LAMA2: variants seen among roughly 807,000 people sequenced by gnomAD.
LAMA2 encodes laminin subunit alpha-2.
A neutral mutation model predicts 364.8 loss-of-function variants in LAMA2; 269 were observed. The ratio of observed to expected loss-of-function variants is 0.74; its 90% CI spans 0.67 to 0.82. The LOEUF (loss-of-function observed/expected upper bound fraction) is 0.82, where lower values mean the gene tolerates loss of function less well. Ranked by LOEUF, LAMA2 falls within the 40% of genes least tolerant of loss-of-function variation. LAMA2 has a pLI of 0.00. For synonymous variants in LAMA2, 1,379 were observed against 1,370.6 expected (o/e 1.01, Z -0.14); for missense variants, 3,807 against 3,873.2 (o/e 0.98, Z 0.45).
chr6:128,944,494 C>A (rs1780370325), intron 1 of LAMA2, among the ~76,000 whole-genome samples: 1 of 151,988 alleles, frequency 6.6e-6, no homozygotes, highest in Admixed American at 6.6e-5. Flanking sequence ...TGGATAATTT[C>A]TAAAGAAAAG....
chr6:129,290,698 A>T (rs1380481937), intron 19 of LAMA2, among the ~76,000 whole-genome samples: 1 of 152,198 alleles, frequency 6.6e-6, no homozygotes, highest in African/African-American at 2.4e-5. Context: ...ACCATTAAAA[A>T]TATAGGGTAC....
chr6:129,448,156 A>G (rs1054920563), intron 45 of LAMA2, among the ~76,000 whole-genome samples: 3 of 152,198 alleles, frequency 2.0e-5, no homozygotes, highest in African/African-American at 7.2e-5. Context: ...GGCATGGTAC[A>G]TGCCTATAGT....
intron 1 of LAMA2, among the ~76,000 whole-genome samples, chr6:128,889,573 C>T (rs1248202774): frequency 1.3e-5 from 2 of 152,116 alleles, no homozygotes; most frequent in Non-Finnish European, 2.9e-5. Context: ...TTCCTTTCTT[C>T]CTTCCTCCCT....
intron 1 of LAMA2, among the ~76,000 whole-genome samples, chr6:128,945,841 C>T (rs1301020000): frequency 6.6e-6 from 1 of 152,186 alleles, no homozygotes; most frequent in Non-Finnish European, 1.5e-5. Flanking sequence ...TAACATTTTA[C>T]AACAAAGTAG....
chr6:129,514,243 G>A, intron 63 of LAMA2, 130 bp from the exon 64 acceptor site: 1 of 756,826 alleles, frequency 1.3e-6, no homozygotes, highest in Non-Finnish European at 2.3e-6. Context: ...TTTTCAATAT[G>A]CCCAGTTACA....
intron 1 of LAMA2, among the ~76,000 whole-genome samples, chr6:128,917,012 T>G (rs1272902342): frequency 1.3e-5 from 2 of 152,172 alleles, no homozygotes; most frequent in African/African-American, 2.4e-5. Flanking sequence ...TCCTCACATT[T>G]GTTTTTATTC....
intron 1 of LAMA2, among the ~76,000 whole-genome samples, chr6:128,923,547 A>G (rs945350823): frequency 1.3e-5 from 2 of 152,136 alleles, no homozygotes; most frequent in African/African-American, 4.8e-5. Flanking sequence ...AACAAATATA[A>G]CTATATTAAA....
intron 1 of LAMA2, among the ~76,000 whole-genome samples, chr6:128,943,862 T>A (rs1338744046): frequency 1.3e-5 from 2 of 152,152 alleles, no homozygotes; most frequent in African/African-American, 4.8e-5. Flanking sequence ...TAATAAAGAT[T>A]TAGAGAGATC....
At chr6:129,483,368 CACAAGA>C (rs2114843480) in intron 55 of LAMA2, among the ~76,000 whole-genome samples, 2 of 151,956 alleles carry the variant, frequency 1.3e-5, no homozygotes, top group South Asian at 4.1e-4. Flanking sequence ...GTAAATATAG[CACAAGA>C]ACAAGAATAA....
chr6:128,896,197 G>C (rs1458388721), intron 1 of LAMA2, among the ~76,000 whole-genome samples: 2 of 151,604 alleles, frequency 1.3e-5, no homozygotes, highest in Non-Finnish European at 2.9e-5. Flanking sequence ...AAATTTTTGA[G>C]GTTTATGTGT....
At chr6:129,493,346 T>C (rs1221829575) in intron 58 of LAMA2, among the ~76,000 whole-genome samples, 1 of 152,194 alleles carries the variant, frequency 6.6e-6, no homozygotes, top group Non-Finnish European at 1.5e-5. Context: ...CCCAGCACTG[T>C]AACCGACCAT....
intron 1 of LAMA2, among the ~76,000 whole-genome samples, chr6:128,984,182 T>C (rs1783072334): frequency 6.6e-6 from 1 of 152,124 alleles, no homozygotes; most frequent in South Asian, 2.1e-4. Flanking sequence ...GCTCCATAGA[T>C]CATTTAGCCA....
intron 17 of LAMA2, among the ~76,000 whole-genome samples, chr6:129,279,165 G>A (rs374944161): frequency 2.4e-4 from 37 of 152,240 alleles, no homozygotes; most frequent in Admixed American, 6.5e-4. Flanking sequence ...AAACGGTAGC[G>A]CAACAGACCT....
chr6:128,950,468 A>G (rs914830616), intron 1 of LAMA2, among the ~76,000 whole-genome samples: 4 of 152,182 alleles, frequency 2.6e-5, no homozygotes, highest in Non-Finnish European at 5.9e-5. Flanking sequence ...TGAGTATCAT[A>G]ATATTTCTCC....
intron 17 of LAMA2, among the ~76,000 whole-genome samples, chr6:129,277,267 A>G (rs919759748): frequency 7.2e-5 from 11 of 152,278 alleles, no homozygotes; most frequent in Admixed American, 2.0e-4. Context: ...GTGTCACGGA[A>G]CAATTAGCTT....
At chr6:129,513,246 C>CTCTT (rs1300942889) in intron 63 of LAMA2, among the ~76,000 whole-genome samples, 15 of 152,240 alleles carry the variant, frequency 9.9e-5, no homozygotes, top group African/African-American at 3.6e-4. Flanking sequence ...TGCTTTCTTC[C>CTCTT]TCTTTCTGCT....
At chr6:129,220,802 A>G (rs1471247983) in intron 12 of LAMA2, among the ~76,000 whole-genome samples, 3 of 152,132 alleles carry the variant, frequency 2.0e-5, no homozygotes, top group African/African-American at 7.2e-5. Flanking sequence ...TTATAATGGG[A>G]CCTGTGTATT....
chr6:128,884,862 T>A (rs1776058310), intron 1 of LAMA2, among the ~76,000 whole-genome samples: 1 of 152,196 alleles, frequency 6.6e-6, no homozygotes, highest in Admixed American at 6.5e-5. Flanking sequence ...AATCCTTATG[T>A]CCACTTGGAA....
intron 58 of LAMA2, among the ~76,000 whole-genome samples, chr6:129,493,459 C>T (rs906420367): frequency 6.6e-6 from 1 of 152,174 alleles, no homozygotes; most frequent in African/African-American, 2.4e-5. Context: ...CAGAAAAGAT[C>T]GGATGCTTTC....
Sources: gnomAD v4.1 joint callset for allele counts (sites outside exome capture counted in the v4.1 genomes callset) on GRCh38, gnomAD v4.1.1 for gene constraint, MANE v1.5 for transcripts, NCBI Gene and HGNC (gene_info 2026-07-23, HGNC 2026-07-21) for gene names.